Variants in MYEF2 observed in about 807,000 individuals in gnomAD.
MYEF2 encodes myelin expression factor 2, also known as myelin gene expression factor 2.
MYEF2 carries 37 observed loss-of-function variants against 75.2 expected under a neutral mutation model. That is an observed-to-expected ratio of 0.49 (90% confidence interval 0.38 to 0.65). The LOEUF (loss-of-function observed/expected upper bound fraction) is 0.65, where lower values mean the gene tolerates loss of function less well. Ranked by LOEUF, MYEF2 falls within the 30% of genes least tolerant of loss-of-function variation. MYEF2 has a pLI of 0.00. For missense variants in MYEF2, 634 were observed against 771.4 expected (o/e 0.82, Z 2.11); for synonymous variants, 195 against 241.6 (o/e 0.81, Z 1.79).
In MYEF2 at chr15:48,158,024, A is replaced by G; in HGVS notation, c.954T>C (p.Arg318=). Reference sequence around the variant, plus strand: ...ATTGTGGTGTTTTACCATCATGTGAACGGTACTCTTCATGAGGAACAGACT... The same window carrying G: ...ATTGTGGTGTTTTACCATCATGTGAGCGGTACTCTTCATGAGGAACAGACT... ...DDKSVPHEEY[R]SHDGKTPQLP... The change falls in exon 9 of 17, where the codon CGT becomes CGC. Residue 318 remains arginine, a synonymous_variant. Transcript: ENST00000324324. 1 of 1,613,242 alleles carries G rather than the reference A, an allele frequency of 6.2e-7. No individual in the cohort carries two copies. The highest frequency in any genetic ancestry group is 8.5e-7 in the Non-Finnish European group (1 of 1,179,458).
intron 14 of MYEF2, among the ~76,000 whole-genome samples, chr15:48,150,858 T>G (rs1474517274): frequency 3.9e-5 from 6 of 152,102 alleles, no homozygotes; most frequent in Non-Finnish European, 7.4e-5. Flanking sequence ...AGAAGGTTCC[T>G]GGATTGGCTG....
chr15:48,155,609 A>G (rs912316086), intron 9 of MYEF2, among the ~76,000 whole-genome samples: 6 of 152,008 alleles, frequency 3.9e-5, no homozygotes, highest in African/African-American at 1.2e-4. Flanking sequence ...TAGGCCATCC[A>G]TAAGTCCAAA....
Position 48,135,007 on chromosome 15 carries a change from T to A in MYEF2, c.*7901A>T. On this transcript the variant is annotated 3_prime_UTR_variant, in exon 17 of 17. Transcript: ENST00000324324. ...CTGGTAAGCTTGAAAATAATTCTTA[T>A]GTAAAAATTAGAGATTTTATGAATT... 4 of 1,536,776 alleles carry A rather than the reference T, an allele frequency of 2.6e-6. No homozygotes were observed. The highest frequency in any genetic ancestry group is 3.6e-6 in the Non-Finnish European group (4 of 1,122,854).
At position 48,136,434 on chromosome 15, in the gene MYEF2, T is replaced by A. The variant is rs2038900859; in HGVS notation, c.*6474A>T. On this transcript the variant is annotated 3_prime_UTR_variant, in exon 17 of 17. Coordinates refer to ENST00000324324, the MANE Select transcript of MYEF2 (RefSeq NM_016132.5). ...CTATCATTTGGAAGGAATCTACAAG[T>A]AAAAACGAGTTTGTTGATCTTGTTT... 3.0e-6 allele frequency: 1 copy of A among 335,356 alleles called. No homozygotes were observed. The highest frequency in any genetic ancestry group is 2.1e-5 in the African/African-American group (1 of 46,940). 20.8% of individuals were successfully genotyped at this position (335,356 alleles called of 1,614,324 possible). A position where few individuals can be genotyped will look rare whatever the true frequency, so the allele number is the denominator to read the frequency against.
rs753176383 is a variant in MYEF2 at position 48,142,289 on chromosome 15, T to C, written c.*619A>G. The C allele has an allele frequency of 1.2e-6, 2 of 1,613,480 alleles. No individual in the cohort carries two copies. The highest frequency in any genetic ancestry group is 2.2e-5 in the South Asian group (2 of 91,054). The stretch of plus-strand genomic sequence containing the variant: ...ATTATCATACTTGGGGCTTGCTACA[T>C]TATCAGTTCTATATGAACTTGGAAT... On this transcript the variant is annotated 3_prime_UTR_variant, in exon 17 of 17. Transcript: ENST00000324324.
rs2032584700 is a variant in MYEF2, at chr15:48,140,561, A to C, written c.*2347T>G. 2.6e-5 allele frequency: 4 copies of C among 152,360 alleles called. No homozygotes were observed. In the South Asian group the frequency reaches 6.2e-4, roughly 24 times the overall value. The allele number at this position is 152,360 out of a possible 1,614,324, so 9.4% of individuals were successfully genotyped here. A position where few individuals can be genotyped will look rare whatever the true frequency, so the allele number is the denominator to read the frequency against. On this transcript the variant is annotated 3_prime_UTR_variant, in exon 17 of 17. Transcript: ENST00000324324. ...TTAATAAATTGGGACCATATGTTAG[A>C]CTCAAGTAGAAAACAGGTTTTGTTT...
chr15:48,169,891 G>C (rs1465482252), intron 1 of MYEF2: 1 of 151,854 alleles, frequency 6.6e-6, no homozygotes, highest in African/African-American at 2.4e-5. Context: ...CACCACGCCT[G>C]GCCAAACCTG....
chr15:48,148,453 T>C (rs2039372316), intron 16 of MYEF2, among the ~76,000 whole-genome samples: 2 of 151,934 alleles, frequency 1.3e-5, no homozygotes, highest in Admixed American at 1.3e-4. Flanking sequence ...TTAAGAACAG[T>C]TTATAAAAGA....
At chr15:48,170,543 C>A (rs999874783) in intron 1 of MYEF2, among the ~76,000 whole-genome samples, 9 of 151,950 alleles carry the variant, frequency 5.9e-5, no homozygotes, top group Non-Finnish European at 1.0e-4. Flanking sequence ...TGGATGACAC[C>A]CAGGAATCTA....
chr15:48,165,854 A>T, intron 5 of MYEF2, 79 bp downstream of exon 5: 1 of 1,094,384 alleles, frequency 9.1e-7, no homozygotes, highest in Admixed American at 2.5e-5. Flanking sequence ...AGTCAGGCAA[A>T]TATATTACCA....
intron 9 of MYEF2, chr15:48,154,117 T>C (rs2039595989): frequency 9.5e-6 from 4 of 420,244 alleles, no homozygotes; most frequent in Non-Finnish European, 8.6e-6. Flanking sequence ...AAACATGATA[T>C]AATACAAAGT....
rs1196075554 is a variant in MYEF2, at chr15:48,137,189, T to C, written c.*5719A>G. ...ACCATAAAAAGAGAAAAATAAAGTG[T>C]GACTGTGGTTCACAAATGGGACAGA... On this transcript the variant is annotated 3_prime_UTR_variant, in exon 17 of 17. Coordinates refer to ENST00000324324, the MANE Select transcript of MYEF2 (RefSeq NM_016132.5). 2.1e-6 allele frequency: 1 copy of C among 470,704 alleles called. No individual in the cohort carries two copies. The highest frequency in any genetic ancestry group is 3.7e-6 in the Non-Finnish European group (1 of 273,188). 29.2% of individuals were successfully genotyped at this position (470,704 alleles called of 1,614,324 possible). A position where few individuals can be genotyped will look rare whatever the true frequency, so the allele number is the denominator to read the frequency against.
chr15:48,143,672 T>G (rs2039168403), intron 16 of MYEF2, among the ~76,000 whole-genome samples: 1 of 151,986 alleles, frequency 6.6e-6, no homozygotes, highest in Admixed American at 6.6e-5. Flanking sequence ...ACGGAAATAG[T>G]CATGGGAAGA....
rs540013458 is a variant in MYEF2, at chr15:48,176,458, C to T, written c.161+1619G>A. Among the ~76,000 whole-genome samples, 4 of 152,254 alleles carry T rather than the reference C, an allele frequency of 2.6e-5. No homozygotes were observed. In the East Asian group the frequency reaches 5.8e-4, roughly 22 times the overall value. On this transcript the variant is annotated intron_variant, in intron 1 of 16. Transcript: ENST00000324324. ...TTTCTTCACCTTATATTTTTCTCTTCCTAAATTAGAAAAGGATTCTTTCTC... is the reference window on the plus strand; with the variant it reads ...TTTCTTCACCTTATATTTTTCTCTTTCTAAATTAGAAAAGGATTCTTTCTC...
intron 10 of MYEF2, 45 bp downstream of exon 10, chr15:48,153,747 G>A: frequency 1.4e-6 from 2 of 1,469,092 alleles, no homozygotes; most frequent in Non-Finnish European, 1.9e-6. Context: ...TTATTAGCTA[G>A]CATATGTATC....
At chr15:48,164,514 AT>A (rs1344750731) in intron 5 of MYEF2, among the ~76,000 whole-genome samples, 1 of 152,216 alleles carries the variant, frequency 6.6e-6, no homozygotes, top group East Asian at 1.9e-4. Context: ...TATAAATTTA[AT>A]TGATAAAGCA....
At chr15:48,168,544 G>T in intron 2 of MYEF2, 87 bp downstream of exon 2, 3 of 1,030,772 alleles carry the variant, frequency 2.9e-6, no homozygotes, top group Non-Finnish European at 4.4e-6. Flanking sequence ...GAGTCTGTGT[G>T]GCTCAGAGGA....
chr15:48,178,040 C>G, intron 1 of MYEF2, 37 bp downstream of exon 1: 3 of 1,568,294 alleles, frequency 1.9e-6, no homozygotes, highest in Non-Finnish European at 2.6e-6. Flanking sequence ...CTCCCCGCCC[C>G]CCACCTCGCC....
chr15:48,168,726 C>T lies in MYEF2; in HGVS notation c.275G>A (p.Gly92Glu), dbSNP rs1233139900. 1.9e-6 allele frequency: 3 copies of T among 1,613,762 alleles called. No individual in the cohort carries two copies. In the East Asian group the frequency reaches 6.7e-5, roughly 36 times the overall value. Reference protein sequence around the residue: ...PYSKDKNSGAGEKKGPNRNRV... With the variant: ...PYSKDKNSGAEEKKGPNRNRV... The stretch of plus-strand genomic sequence containing the variant: ...GTTACGATTTGGACCCTTCTTTTCT[C>T]CAGCGCCCGAATTCTTGTCTTTTGA... The change falls in exon 2 of 17, where the codon GGA becomes GAA. Residue 92 changes from glycine to glutamate, a missense_variant. Coordinates refer to ENST00000324324, the MANE Select transcript of MYEF2 (RefSeq NM_016132.5).
Sources: gnomAD v4.1 joint callset for allele counts (sites outside exome capture counted in the v4.1 genomes callset) on GRCh38, gnomAD v4.1.1 for gene constraint, MANE v1.5 for transcripts, NCBI Gene and HGNC (gene_info 2026-07-23, HGNC 2026-07-21) for gene names.